CEP290: variants seen among roughly 807,000 people sequenced by gnomAD.
CEP290 encodes centrosomal protein of 290 kDa.
CEP290 carries 317 observed loss-of-function variants against 344.9 expected under a neutral mutation model. The observed-to-expected ratio is 0.92, with a 90% CI of 0.84 to 1.01. The LOEUF (loss-of-function observed/expected upper bound fraction) is 1.01, where lower values mean the gene tolerates loss of function less well. CEP290 is among the 50% of genes least tolerant of loss of function. CEP290 has a pLI of 0.00. For synonymous variants in CEP290, 932 were observed against 895.8 expected (o/e 1.04, Z -0.72); for missense variants, 2,754 against 2,761.4 (o/e 1.00, Z 0.06).
At chr12:88,106,582 A>T in intron 25 of CEP290, 93 bp downstream of exon 25, 1 of 735,490 alleles carries the variant, frequency 1.4e-6, no homozygotes, top group Non-Finnish European at 2.1e-6. Context: ...GTTAACTATT[A>T]ATTCAGGTGA....
intron 13 of CEP290, among the ~76,000 whole-genome samples, chr12:88,124,566 GTATA>G (rs1190565579): frequency 5.9e-5 from 9 of 151,540 alleles, no homozygotes; most frequent in Non-Finnish European, 8.8e-5. Context: ...CATATGACAT[GTATA>G]TATATGTGTA....
At chr12:88,100,065 A>T (rs2037754286) in intron 26 of CEP290, among the ~76,000 whole-genome samples, 1 of 151,702 alleles carries the variant, frequency 6.6e-6, no homozygotes, top group Non-Finnish European at 1.5e-5. Context: ...GGATTACCTG[A>T]GATCCAAAGT....
chr12:88,087,884 C>A lies in CEP290; in HGVS notation c.4090G>T (p.Glu1364Ter), dbSNP rs779645669. ...ATTTCTTCTTTATCCTTGACTAATT[C>A]CCGATTTAGTTTAAGTTCTTGAAGA... ...LRLQELKLNRELVKDKEEIKY... is the reference protein window; with the variant it reads ...LRLQELKLNR Residue 1364 changes from glutamate (E) to a stop codon, truncating the protein, a stop_gained, in exon 32 of 54, where the codon GAA becomes TAA. Coordinates refer to ENST00000552810, the MANE Select transcript of CEP290 (RefSeq NM_025114.4). LOFTEE classifies it high-confidence loss of function. 8.1e-7 allele frequency: 1 copy of A among 1,234,622 alleles called. No homozygotes were observed. Among genetic ancestry groups the A allele is most frequent in the Non-Finnish European group, 1.0e-6 (1 of 964,970 alleles). 76.5% of individuals were successfully genotyped at this position (1,234,622 alleles called of 1,614,324 possible).
rs371010287 is a variant in CEP290 at position 88,077,210 on chromosome 12, T to A, written c.5709+12A>T. 3.1e-6 allele frequency: 5 copies of A among 1,598,738 alleles called. No homozygotes were observed. Among genetic ancestry groups the A allele is most frequent in the Admixed American group, 1.7e-5 (1 of 57,692 alleles). On this transcript the variant is annotated intron_variant, in intron 41 of 53. Coordinates refer to ENST00000552810, the MANE Select transcript of CEP290 (RefSeq NM_025114.4). ...ACCTTAAGCATATAAGTCAGTATGT[T>A]TCTTCACATACCTTTTCTTTCATAG... is the stretch of plus-strand genomic sequence containing the variant.
In CEP290 at chr12:88,077,212, C is replaced by T. The variant is rs1019366465; in HGVS notation, c.5709+10G>A. On this transcript the variant is annotated intron_variant, in intron 41 of 53. Transcript: ENST00000552810. ...CTTAAGCATATAAGTCAGTATGTTT[C>T]TTCACATACCTTTTCTTTCATAGGT... The T allele has an allele frequency of 3.8e-6, 6 of 1,598,264 alleles. No homozygotes were observed. Among genetic ancestry groups the T allele is most frequent in the Non-Finnish European group, 5.1e-6 (6 of 1,174,852 alleles).
At position 88,126,330 on chromosome 12, in the gene CEP290, T is replaced by C; in HGVS notation, c.1051A>G (p.Met351Val). The C allele has an allele frequency of 1.3e-6, 2 of 1,488,940 alleles. No individual in the cohort carries two copies. Among genetic ancestry groups the C allele is most frequent in the Non-Finnish European group, 1.8e-6 (2 of 1,124,054 alleles). 92.2% of individuals were successfully genotyped at this position (1,488,940 alleles called of 1,614,324 possible). A position where few individuals can be genotyped will look rare whatever the true frequency, so the allele number is the denominator to read the frequency against. ...AQLDADKSNV[M>V]ALQQGIQERD... The stretch of plus-strand genomic sequence containing the variant: ...TAAGATTTTACCTGCTGTAGAGCCA[T>C]AACATTACTTTTATCAGCATCAAGC... Residue 351 changes from methionine to valine, a missense_variant, in exon 12 of 54, where the codon ATG (methionine) becomes GTG (valine). Physicochemically the swap from Met to Val is conservative, Grantham distance 21. Coordinates refer to ENST00000552810, the MANE Select transcript of CEP290 (RefSeq NM_025114.4).
At chr12:88,130,090 T>C (rs1335557055) in intron 9 of CEP290, among the ~76,000 whole-genome samples, 178 bp downstream of exon 9, 3 of 151,938 alleles carry the variant, frequency 2.0e-5, no homozygotes, top group Non-Finnish European at 4.4e-5. Context: ...GACAGGCAAA[T>C]ATAAAAATGG....
chr12:88,141,083 A>C (rs1490302217), intron 2 of CEP290, 50 bp from the exon 3 acceptor site: 1 of 1,426,146 alleles, frequency 7.0e-7, no homozygotes, highest in Non-Finnish European at 9.4e-7. Context: ...CTTCAAGCAA[A>C]ATATAAGAAC....
chr12:88,083,467 C>T (rs201405573), intron 36 of CEP290, among the ~76,000 whole-genome samples: 8 of 152,056 alleles, frequency 5.3e-5, no homozygotes, highest in Non-Finnish European at 7.4e-5. Flanking sequence ...ACCGAATTAA[C>T]GAGGTAATGC....
At chr12:88,110,475 C>A (rs2038605483) in intron 22 of CEP290, among the ~76,000 whole-genome samples, 1 of 151,958 alleles carries the variant, frequency 6.6e-6, no homozygotes, top group Non-Finnish European at 1.5e-5. Context: ...CCTTGGGAGG[C>A]CAAGGCAGGC....
chr12:88,084,654 G>C lies in CEP290; in HGVS notation c.4636C>G (p.Gln1546Glu). The change falls in exon 35 of 54, where the codon CAA (glutamine) becomes GAA (glutamate). Residue 1546 changes from glutamine (Q) to glutamate (E), a missense_variant. Physicochemically the swap from Gln to Glu is conservative, Grantham distance 29. Transcript: ENST00000552810. ...TCTTCTTTTTGATTTAACCTTGCTT[G>C]CATGTTTGCAATGGTTTGATGAGCA... ...KIAHQTIANM[Q>E]ARLNQKEEVL... 3 of 1,613,478 alleles carry C rather than the reference G, an allele frequency of 1.9e-6. No homozygotes were observed. Among genetic ancestry groups the C allele is most frequent in the South Asian group, 1.1e-5 (1 of 91,074 alleles).
At chr12:88,049,694 A>G in intron 53 of CEP290, 1 of 236,676 alleles carries the variant, frequency 4.2e-6, no homozygotes, top group Non-Finnish European at 8.0e-6. Context: ...CTCTAAAAGC[A>G]TATAAGAGCT....
At position 88,106,925 on chromosome 12, in the gene CEP290, T is replaced by C. The variant is rs2038325985; in HGVS notation, c.2587-20A>G. On this transcript the variant is annotated intron_variant, in intron 24 of 53. Transcript: ENST00000552810. The stretch of plus-strand genomic sequence containing the variant: ...CAAATTCTGCACAAAGACACATCCA[T>C]ATTACTTGTTGAATCTAGCTATCCT... 1.9e-6 allele frequency: 3 copies of C among 1,579,756 alleles called. No individual in the cohort carries two copies. Among genetic ancestry groups the C allele is most frequent in the Non-Finnish European group, 2.6e-6 (3 of 1,158,392 alleles).
chr12:88,093,835 G>A lies in CEP290; in HGVS notation c.3244C>T (p.His1082Tyr), dbSNP rs1457801026. ...ATTTGCTTTAACGAAGTCCGTAAGT[G>A]TTCATACATTTTTTGACAATGTTCA... is the stretch of plus-strand genomic sequence containing the variant. ...RAEHCQKMYE[H>Y]LRTSLKQMEE... Residue 1082 changes from histidine (H) to tyrosine (Y), a missense_variant, in exon 28 of 54, where the codon CAC becomes TAC. Physicochemically the swap from His to Tyr is moderately conservative, Grantham distance 83. Transcript: ENST00000552810. The A allele has an allele frequency of 1.2e-6, 2 of 1,612,568 alleles. No individual in the cohort carries two copies. Among genetic ancestry groups the A allele is most frequent in the African/African-American group, 2.7e-5 (2 of 74,842 alleles).
intron 26 of CEP290, among the ~76,000 whole-genome samples, chr12:88,100,309 C>A (rs1007329429): frequency 1.3e-5 from 2 of 151,684 alleles, no homozygotes; most frequent in African/African-American, 4.8e-5. Context: ...CTTCTTGATT[C>A]TACCTCAATC....
rs2138215835 is a variant in CEP290 at position 88,136,729 on chromosome 12, G to A, written c.355C>T (p.Gln119Ter). 1 of 1,613,422 alleles carries A rather than the reference G, an allele frequency of 6.2e-7. No homozygotes were observed. ...TTTTGTTCTAATTGTTTTTCAAGTT[G>A]GCAAATTTCATTACGTAAAAACCGA... is the stretch of plus-strand genomic sequence containing the variant. ...DTRFLRNEIC[Q>*]LEKQLEQKDR... Residue 119 changes from glutamine (Q) to a stop codon, truncating the protein, a stop_gained, in exon 6 of 54, where the codon CAA (glutamine) becomes TAA (stop). Transcript: ENST00000552810. LOFTEE classifies it high-confidence loss of function.
chr12:88,080,498 C>A, intron 37 of CEP290, 103 bp from the exon 38 acceptor site: 1 of 761,972 alleles, frequency 1.3e-6, no homozygotes, highest in Non-Finnish European at 2.0e-6. Context: ...AGCGCAATCT[C>A]GGCTGACTGC....
At chr12:88,091,209 C>T (rs990983138) in intron 29 of CEP290, among the ~76,000 whole-genome samples, 17 of 152,000 alleles carry the variant, frequency 1.1e-4, no homozygotes, top group Non-Finnish European at 1.5e-5. Context: ...TTCCATAAAA[C>T]ATTTATTGTC....
At chr12:88,109,636 C>A (rs2038536156) in intron 22 of CEP290, among the ~76,000 whole-genome samples, 1 of 152,132 alleles carries the variant, frequency 6.6e-6, no homozygotes, top group African/African-American at 2.4e-5. Context: ...GGCTTGTTGT[C>A]AGGTGCTTTC....
Sources: gnomAD v4.1 joint callset for allele counts (sites outside exome capture counted in the v4.1 genomes callset) on GRCh38, gnomAD v4.1.1 for gene constraint, MANE v1.5 for transcripts, NCBI Gene and HGNC (gene_info 2026-07-23, HGNC 2026-07-21) for gene names.